The following CACNA2D3 variants were observed in gnomAD, a reference collection of about 807,000 sequenced individuals.
The protein encoded by CACNA2D3 is voltage-dependent calcium channel subunit alpha-2/delta-3.
CACNA2D3 carries 60 observed loss-of-function variants against 160.6 expected under a neutral mutation model. The ratio of observed to expected loss-of-function variants is 0.37; its 90% CI spans 0.30 to 0.46. CACNA2D3 has a LOEUF of 0.46. Among genes scored for constraint, CACNA2D3 ranks in the 20% least tolerant of loss-of-function variants. The pLI, the probability that CACNA2D3 is intolerant of heterozygous loss-of-function variation, is 1.00. For missense variants in CACNA2D3, 1,205 were observed against 1,365.0 expected (o/e 0.88, Z 1.85); for synonymous variants, 558 against 492.9 (o/e 1.13, Z -1.75).
chr3:54,272,332 A>G (rs1030285183), intron 2 of CACNA2D3, among the ~76,000 whole-genome samples: 5 of 152,192 alleles, frequency 3.3e-5, no homozygotes, highest in African/African-American at 4.8e-5. Flanking sequence ...GCTTGCAGCC[A>G]GTGAGAGAAG....
chr3:54,477,947 T>C (rs911709893), intron 4 of CACNA2D3, among the ~76,000 whole-genome samples: 4 of 152,202 alleles, frequency 2.6e-5, no homozygotes, highest in African/African-American at 9.7e-5. Flanking sequence ...TTCTTTCAAT[T>C]AACCCCTCTG....
At chr3:54,446,195 C>G (rs908998183) in intron 4 of CACNA2D3, among the ~76,000 whole-genome samples, 6 of 152,202 alleles carry the variant, frequency 3.9e-5, no homozygotes, top group African/African-American at 1.4e-4. Context: ...ACCTTCATGT[C>G]TCCTAACGAA....
At chr3:54,821,641 GTTCTTTCTTTC>G (rs1703595394) in intron 14 of CACNA2D3, among the ~76,000 whole-genome samples, 1 of 107,830 alleles carries the variant, frequency 9.3e-6, no homozygotes, top group Non-Finnish European at 1.9e-5. Context: ...AGAGTCTTTC[GTTCTTTCTTTC>G]TTTCTTTCTT....
chr3:54,684,207 G>C (rs753130438), intron 11 of CACNA2D3, among the ~76,000 whole-genome samples: 2 of 151,988 alleles, frequency 1.3e-5, no homozygotes, highest in Admixed American at 1.3e-4. Context: ...TAATCTGCCC[G>C]TCTTGGCCTC....
chr3:54,625,837 C>G (rs868504562), intron 9 of CACNA2D3, among the ~76,000 whole-genome samples: 1 of 152,114 alleles, frequency 6.6e-6, no homozygotes, highest in East Asian at 1.9e-4. Flanking sequence ...ATCAGCATGC[C>G]CTAAGATTTG....
intron 2 of CACNA2D3, among the ~76,000 whole-genome samples, chr3:54,289,680 A>C (rs933667847): frequency 1.4e-4 from 21 of 152,248 alleles, no homozygotes; most frequent in African/African-American, 3.9e-4. Flanking sequence ...ACAGTAACCA[A>C]AACAGCATGG....
At chr3:54,582,162 T>C (rs1489305223) in intron 9 of CACNA2D3, among the ~76,000 whole-genome samples, 3 of 152,256 alleles carry the variant, frequency 2.0e-5, no homozygotes. Context: ...GTTGACACTC[T>C]TGAAAGAATA....
intron 30 of CACNA2D3, among the ~76,000 whole-genome samples, chr3:54,985,631 T>G (rs1702597752): frequency 6.6e-6 from 1 of 152,200 alleles, no homozygotes; most frequent in African/African-American, 2.4e-5. Context: ...AATATTTGAG[T>G]ATACTAATAC....
In CACNA2D3 at chr3:55,073,856, T is replaced by G. The variant is rs1213614611; in HGVS notation, c.3180T>G (p.Pro1060=). The G allele has an allele frequency of 6.2e-7, 1 of 1,612,840 alleles. No homozygotes were observed. The highest frequency in any genetic ancestry group is 1.7e-5 in the Admixed American group (1 of 59,990). Residue 1060 remains proline, a synonymous_variant, in exon 37 of 38, where the codon CCT becomes CCG. Transcript: ENST00000474759. ...CAGAATCTTGTCATGGCTTCCATCCTGAGGTAAGTCTGAGAACTGTTCCTG... is the reference window on the plus strand; with the variant it reads ...CAGAATCTTGTCATGGCTTCCATCCGGAGGTAAGTCTGAGAACTGTTCCTG... ...RRPESCHGFH[P]EENARECGGA...
intron 27 of CACNA2D3, among the ~76,000 whole-genome samples, chr3:54,945,057 T>A (rs1701578682): frequency 6.6e-6 from 1 of 152,176 alleles, no homozygotes; most frequent in Non-Finnish European, 1.5e-5. Context: ...ACAGTAATTC[T>A]AGGCCTTGTT....
intron 27 of CACNA2D3, among the ~76,000 whole-genome samples, chr3:54,965,540 A>G (rs1471238669): frequency 6.6e-6 from 1 of 152,190 alleles, no homozygotes; most frequent in African/African-American, 2.4e-5. Context: ...AGCTTTTACA[A>G]TGGATCTACT....
intron 13 of CACNA2D3, among the ~76,000 whole-genome samples, chr3:54,803,664 A>G (rs1341954885): frequency 3.9e-5 from 6 of 152,240 alleles, no homozygotes; most frequent in Admixed American, 3.9e-4. Context: ...TCCCCAATCT[A>G]GCAAGGCAGA....
intron 3 of CACNA2D3, among the ~76,000 whole-genome samples, chr3:54,331,622 T>A (rs535047017): frequency 6.6e-6 from 1 of 152,228 alleles, no homozygotes; most frequent in Non-Finnish European, 1.5e-5. Context: ...CTTGTGAAGT[T>A]GGATTTAAAA....
intron 35 of CACNA2D3, among the ~76,000 whole-genome samples, chr3:55,071,657 G>GTATC (rs1310646562): frequency 4.6e-5 from 7 of 152,008 alleles, no homozygotes; most frequent in Middle Eastern, 3.4e-3. Context: ...GGATTGGTCT[G>GTATC]TATCTTTGAT....
At chr3:54,487,765 G>A (rs954927193) in intron 4 of CACNA2D3, among the ~76,000 whole-genome samples, 1 of 152,224 alleles carries the variant, frequency 6.6e-6, no homozygotes, top group African/African-American at 2.4e-5. Flanking sequence ...GCCATGGGTG[G>A]CTATTTAAAG....
chr3:54,163,379 T>C (rs1435193409), intron 2 of CACNA2D3, among the ~76,000 whole-genome samples: 1 of 152,170 alleles, frequency 6.6e-6, no homozygotes, highest in African/African-American at 2.4e-5. Context: ...TGGCCATGGC[T>C]CTTTTCCACG....
intron 11 of CACNA2D3, among the ~76,000 whole-genome samples, chr3:54,644,855 T>A (rs1047249902): frequency 7.9e-5 from 12 of 152,224 alleles, no homozygotes; most frequent in African/African-American, 2.9e-4. Context: ...AGAAATAGCC[T>A]GAAGAATAGG....
intron 4 of CACNA2D3, among the ~76,000 whole-genome samples, chr3:54,400,296 G>T (rs1699429823): frequency 1.3e-5 from 2 of 151,968 alleles, no homozygotes; most frequent in East Asian, 3.9e-4. Context: ...GACCGGAGCT[G>T]TTCCTATTCG....
intron 2 of CACNA2D3, among the ~76,000 whole-genome samples, chr3:54,292,844 A>C (rs558744695): frequency 7.2e-5 from 11 of 152,362 alleles, no homozygotes; most frequent in African/African-American, 2.4e-4. Context: ...GCAAAAGAAC[A>C]GAAAGAAGAG....
Sources: gnomAD v4.1 joint callset for allele counts (sites outside exome capture counted in the v4.1 genomes callset) on GRCh38, gnomAD v4.1.1 for gene constraint, MANE v1.5 for transcripts, NCBI Gene and HGNC (gene_info 2026-07-23, HGNC 2026-07-21) for gene names.